SGCZ: variants seen among roughly 807,000 people sequenced by gnomAD.
SGCZ encodes the protein zeta-sarcoglycan.
In SGCZ, 40 loss-of-function variants were observed where a neutral mutation model predicts 41.3. The ratio of observed to expected loss-of-function variants is 0.97; its 90% CI spans 0.75 to 1.26. The LOEUF is 1.26. Among genes scored for constraint, SGCZ ranks in the 50% most tolerant of loss-of-function variants. SGCZ has a pLI of 0.00. For synonymous variants in SGCZ, 206 were observed against 137.5 expected (o/e 1.50, Z -3.49); for missense variants, 552 against 369.8 (o/e 1.49, Z -4.04).
intron 1 of SGCZ, among the ~76,000 whole-genome samples, chr8:14,696,638 C>A (rs981099160): frequency 6.6e-6 from 1 of 152,038 alleles, no homozygotes; most frequent in Non-Finnish European, 1.5e-5. Flanking sequence ...ATTTATTCAG[C>A]CTCTCTTCTG....
intron 1 of SGCZ, among the ~76,000 whole-genome samples, chr8:15,181,574 G>A (rs1200158717): frequency 6.6e-6 from 1 of 152,100 alleles, no homozygotes; most frequent in Non-Finnish European, 1.5e-5. Flanking sequence ...AAGTGCTTGT[G>A]TCTTTGCCTC....
At chr8:14,882,394 C>G (rs562025110) in intron 1 of SGCZ, among the ~76,000 whole-genome samples, 1 of 152,070 alleles carries the variant, frequency 6.6e-6, no homozygotes, top group African/African-American at 2.4e-5. Context: ...TCACAACATG[C>G]CTATCAGATT....
intron 1 of SGCZ, among the ~76,000 whole-genome samples, chr8:14,849,455 A>C (rs1451343210): frequency 6.6e-6 from 1 of 152,196 alleles, no homozygotes; most frequent in East Asian, 1.9e-4. Context: ...ATAGAATGGA[A>C]TACTACTCAT....
intron 1 of SGCZ, among the ~76,000 whole-genome samples, chr8:15,186,628 C>T (rs1800353718): frequency 6.6e-6 from 1 of 152,130 alleles, no homozygotes; most frequent in Admixed American, 6.5e-5. Flanking sequence ...TAAAATTGCA[C>T]TCTAACTATG....
chr8:14,337,999 G>T (rs1470334227), intron 2 of SGCZ, among the ~76,000 whole-genome samples: 1 of 152,140 alleles, frequency 6.6e-6, no homozygotes, highest in Non-Finnish European at 1.5e-5. Flanking sequence ...GTCCATGGAG[G>T]CTAAGAAAAT....
At chr8:14,573,439 C>T (rs1011222699) in intron 1 of SGCZ, among the ~76,000 whole-genome samples, 2 of 152,076 alleles carry the variant, frequency 1.3e-5, no homozygotes, top group South Asian at 2.1e-4. Flanking sequence ...CCGCCCGCCT[C>T]GGCCTCCCAA....
At chr8:15,067,015 G>T (rs1805175986) in intron 1 of SGCZ, among the ~76,000 whole-genome samples, 1 of 152,224 alleles carries the variant, frequency 6.6e-6, no homozygotes. Flanking sequence ...CTTAGATATT[G>T]AAATAAACAT....
chr8:14,275,855 G>T (rs1382131273), intron 3 of SGCZ, among the ~76,000 whole-genome samples: 1 of 152,098 alleles, frequency 6.6e-6, no homozygotes, highest in Non-Finnish European at 1.5e-5. Flanking sequence ...ACCCCTAATG[G>T]CAGCCCACTT....
chr8:14,950,763 T>C (rs1800605190), intron 1 of SGCZ, among the ~76,000 whole-genome samples: 1 of 152,042 alleles, frequency 6.6e-6, no homozygotes, highest in South Asian at 2.1e-4. Flanking sequence ...TGCATGAGGA[T>C]ACGTAGTCTA....
At position 14,589,982 on chromosome 8, in the gene SGCZ, C is replaced by T. The variant is rs192959340; in HGVS notation, c.40-35056G>A. Among the ~76,000 whole-genome samples, 365 of 152,230 alleles carry T rather than the reference C, an allele frequency of 2.4e-3. 1 individual carries two copies. Among genetic ancestry groups the T allele is most frequent in the Non-Finnish European group, 4.5e-3 (303 of 67,986 alleles). ...AGCAATTTGATGATTATGAAGCCAA[C>T]TCTTTGCCCTACGGAGTGATTCAAC... On this transcript the variant is annotated intron_variant, in intron 1 of 7. Transcript: ENST00000382080.
intron 1 of SGCZ, among the ~76,000 whole-genome samples, chr8:14,590,375 G>T (rs1045268500): frequency 1.3e-5 from 2 of 151,838 alleles, no homozygotes. Flanking sequence ...TTTTCTAAAA[G>T]ATGTAAGGTA....
At chr8:14,540,994 A>G (rs1392683104) in intron 2 of SGCZ, among the ~76,000 whole-genome samples, 1 of 150,798 alleles carries the variant, frequency 6.6e-6, no homozygotes, top group Non-Finnish European at 1.5e-5. Context: ...TTATGTATAT[A>G]TATGTATATA....
At chr8:14,595,118 T>A (rs1412439767) in intron 1 of SGCZ, among the ~76,000 whole-genome samples, 3 of 152,162 alleles carry the variant, frequency 2.0e-5, no homozygotes, top group Non-Finnish European at 4.4e-5. Flanking sequence ...TTAACATCAA[T>A]AATGATGACA....
intron 1 of SGCZ, among the ~76,000 whole-genome samples, chr8:14,812,639 A>C (rs1451194110): frequency 6.6e-6 from 1 of 152,142 alleles, no homozygotes; most frequent in African/African-American, 2.4e-5. Flanking sequence ...AAAACTATAT[A>C]AGTGAGCTAA....
chr8:14,669,394 T>C lies in SGCZ; in HGVS notation c.40-114468A>G, dbSNP rs528071087. Among the ~76,000 whole-genome samples the C allele has an allele frequency of 6.0e-5, 9 of 151,136 alleles. No individual in the cohort carries two copies. The East Asian group carries it at 1.8e-3, about 29-fold the overall frequency. ...GTAAGTAAGTAAGTAAGTAAATAAA[T>C]AAATAAATAAATAAATAGGGTTCCA... On this transcript the variant is annotated intron_variant, in intron 1 of 7. Transcript: ENST00000382080.
intron 1 of SGCZ, among the ~76,000 whole-genome samples, chr8:14,699,805 G>T (rs376191071): frequency 6.6e-6 from 1 of 151,604 alleles, no homozygotes; most frequent in Non-Finnish European, 1.5e-5. Flanking sequence ...ACATGAACGG[G>T]CACTTCTTTA....
At chr8:15,034,751 T>A (rs1012861760) in intron 1 of SGCZ, among the ~76,000 whole-genome samples, 7 of 151,606 alleles carry the variant, frequency 4.6e-5, no homozygotes, top group Non-Finnish European at 7.4e-5. Context: ...GTTTCAATAA[T>A]GCAAGCACTG....
At chr8:14,932,276 C>A (rs1395398057) in intron 1 of SGCZ, among the ~76,000 whole-genome samples, 3 of 151,804 alleles carry the variant, frequency 2.0e-5, no homozygotes, top group Admixed American at 1.3e-4. Context: ...AACATAAAAT[C>A]TTTTGTTATA....
chr8:14,684,155 G>T (rs1406537334), intron 1 of SGCZ, among the ~76,000 whole-genome samples: 5 of 152,166 alleles, frequency 3.3e-5, no homozygotes, highest in African/African-American at 1.2e-4. Flanking sequence ...AAAAATGATT[G>T]TTCATTTCTA....
Sources: gnomAD v4.1 joint callset for allele counts (sites outside exome capture counted in the v4.1 genomes callset) on GRCh38, gnomAD v4.1.1 for gene constraint, MANE v1.5 for transcripts, NCBI Gene and HGNC (gene_info 2026-07-23, HGNC 2026-07-21) for gene names.